ANXA11: variants seen among roughly 807,000 people sequenced by gnomAD.
ANXA11 encodes the protein 56 kDa autoantigen.
ANXA11 carries 57 observed loss-of-function variants against 64.7 expected under a neutral mutation model. The ratio of observed to expected loss-of-function variants is 0.88; its 90% CI spans 0.71 to 1.10. ANXA11 has a LOEUF of 1.10. Among genes scored for constraint, ANXA11 ranks in the 50% least tolerant of loss-of-function variants. The pLI is 0.00. For synonymous variants in ANXA11, 260 were observed against 265.2 expected (o/e 0.98, Z 0.19); for missense variants, 675 against 670.7 (o/e 1.01, Z -0.07).
rs371267701 is a variant in ANXA11 at position 80,157,105 on chromosome 10, T to G, written c.1458+536A>C. 24 of 976,214 alleles carry G rather than the reference T, an allele frequency of 2.5e-5. No homozygotes were observed. The African/African-American group carries it at 4.0e-4, about 16-fold the overall frequency. 60.5% of individuals were successfully genotyped at this position (976,214 alleles called of 1,614,324 possible). A position where few individuals can be genotyped will look rare whatever the true frequency, so the allele number is the denominator to read the frequency against. ...TCACAACATTCCCAGGAAGGAACGA[T>G]TATTTTCTCATCTTAAAGACAATGG... On this transcript the variant is annotated intron_variant, in intron 15 of 15. Transcript: ENST00000422982.
chr10:80,196,249 A>T (rs540505425), intron 1 of ANXA11, among the ~76,000 whole-genome samples: 89 of 152,224 alleles, frequency 5.8e-4, no homozygotes, highest in Non-Finnish European at 1.1e-3. Context: ...TGCAAAGGTC[A>T]CACACCCAAG....
At chr10:80,188,480 CAT>C (rs71034291) in intron 1 of ANXA11, among the ~76,000 whole-genome samples, 6,066 of 100,370 alleles carry the variant, frequency 0.06, 263 homozygotes, top group African/African-American at 0.096. Context: ...AGTATTCTCA[CAT>C]ATATATATAT....
chr10:80,198,213 G>A (rs1840259515), intron 1 of ANXA11, among the ~76,000 whole-genome samples: 1 of 152,254 alleles, frequency 6.6e-6, no homozygotes, highest in South Asian at 2.1e-4. Flanking sequence ...TTAGCCAACA[G>A]CAAGACTGAT....
chr10:80,189,044 G>A (rs950855390), intron 1 of ANXA11, among the ~76,000 whole-genome samples: 2 of 152,130 alleles, frequency 1.3e-5, no homozygotes, highest in East Asian at 1.9e-4. Flanking sequence ...AGACATCCCC[G>A]GTACCTGTGA....
chr10:80,164,871 C>T (rs1282451759), intron 8 of ANXA11, among the ~76,000 whole-genome samples: 4 of 152,364 alleles, frequency 2.6e-5, no homozygotes, highest in South Asian at 4.1e-4. Flanking sequence ...TCAGGCAGGA[C>T]GTGCGACATT....
In ANXA11 at chr10:80,157,763, C is replaced by G. The variant is rs1348493298; in HGVS notation, c.1336G>C (p.Gly446Arg). Residue 446 changes from glycine to arginine, a missense_variant and splice_region_variant, in exon 15 of 16, where the codon GGG becomes CGG. Physicochemically the swap from Gly to Arg is moderately radical, Grantham distance 125 (BLOSUM62 -2). Coordinates refer to ENST00000422982, the MANE Select transcript of ANXA11 (RefSeq NM_145868.2). The part of the protein sequence containing the change: ...FAERLNKAMR[G>R]AGTKDRTLIR... The stretch of plus-strand genomic sequence containing the variant: ...AGGGTCCGGTCCTTTGTTCCTGCCC[C>G]CTAAAGAGAGTCCACCCAAGAGCAT... 3.1e-6 allele frequency: 5 copies of G among 1,612,784 alleles called. No homozygotes were observed. The highest frequency in any genetic ancestry group is 3.3e-5 in the Admixed American group (2 of 59,912).
chr10:80,159,837 C>A (rs1005739687), intron 12 of ANXA11, among the ~76,000 whole-genome samples: 1 of 152,226 alleles, frequency 6.6e-6, no homozygotes, highest in African/African-American at 2.4e-5. Context: ...AGTGTCCCCT[C>A]TTCTCAAATC....
rs182960307 is a variant in ANXA11, at chr10:80,155,440, G to A, written c.*413C>T. The A allele has an allele frequency of 1.1e-4, 19 of 176,526 alleles. No homozygotes were observed. Among genetic ancestry groups the A allele is most frequent in the African/African-American group, 2.8e-4 (12 of 42,278 alleles). The allele number at this position is 176,526 out of a possible 1,614,324, so 10.9% of individuals were successfully genotyped here. Reference sequence around the variant, plus strand: ...GACACGGTGCTTCACCCACCCAGTCGCCCTCACCAGAAATGTGTATGCAGC... The same window carrying A: ...GACACGGTGCTTCACCCACCCAGTCACCCTCACCAGAAATGTGTATGCAGC... On this transcript the variant is annotated 3_prime_UTR_variant, in exon 16 of 16. Transcript: ENST00000422982.
intron 1 of ANXA11, among the ~76,000 whole-genome samples, chr10:80,197,645 G>A (rs905087592): frequency 3.2e-4 from 48 of 152,148 alleles, no homozygotes; most frequent in Non-Finnish European, 4.6e-4. Flanking sequence ...ACCCCTGGCC[G>A]GGCGCGGTGG....
At chr10:80,156,496 A>G (rs1340239509) in intron 15 of ANXA11, 3 of 469,000 alleles carry the variant, frequency 6.4e-6, no homozygotes, top group South Asian at 1.6e-5. Context: ...TGCAGGAGAT[A>G]CTCTGTAATG....
chr10:80,162,719 G>A (rs911601143), intron 11 of ANXA11, among the ~76,000 whole-genome samples: 73 of 152,334 alleles, frequency 4.8e-4, no homozygotes, highest in African/African-American at 1.7e-3. Context: ...GCAGCTCCTG[G>A]TGAATGCCCT....
In ANXA11 at chr10:80,172,836, G is replaced by T. The variant is rs761253330; in HGVS notation, c.26C>A (p.Pro9His). The change falls in exon 3 of 16, where the codon CCC becomes CAC. Residue 9 changes from proline to histidine, a missense_variant. Transcript: ENST00000422982. ...TGCAGCTGGTGGGTAGCCACCTGGG[G>T]GCGGGGGATAGCCAGGGTAGCTCAT... The part of the protein sequence containing the change: MSYPGYPP[P>H]PGGYPPAAPG... 3 of 1,613,944 alleles carry T rather than the reference G, an allele frequency of 1.9e-6. No homozygotes were observed. In the African/African-American group the frequency reaches 4.0e-5, roughly 22 times the overall value.
chr10:80,166,430 C>T, intron 7 of ANXA11: 1 of 522,614 alleles, frequency 1.9e-6, no homozygotes, highest in South Asian at 2.3e-5. Flanking sequence ...GTTTGAGAAG[C>T]ACTGGGCTAG....
chr10:80,175,540 C>T (rs1314533662), intron 2 of ANXA11, among the ~76,000 whole-genome samples: 1 of 151,214 alleles, frequency 6.6e-6, no homozygotes, highest in East Asian at 1.9e-4. Flanking sequence ...AAGAAGTAGC[C>T]CCAAAAACCA....
chr10:80,169,163 A>G lies in ANXA11; in HGVS notation c.367T>C (p.Tyr123His). The change falls in exon 5 of 16, where the codon TAC becomes CAC. Residue 123 changes from tyrosine to histidine, a missense_variant. By Grantham distance (83) the Tyr-to-His change is moderately conservative. Coordinates refer to ENST00000422982, the MANE Select transcript of ANXA11 (RefSeq NM_145868.2). ...PPSRMPSYPP[Y>H]PGAPVPGQPM... ...TGGCCCGGCACAGGGGCCCCTGGGT[A>G]TGGCGGATATGAGGGCATCCTGGAG... 1 of 1,581,452 alleles carries G rather than the reference A, an allele frequency of 6.3e-7. No homozygotes were observed. Among genetic ancestry groups the G allele is most frequent in the Admixed American group, 1.9e-5 (1 of 53,178 alleles).
At chr10:80,199,267 T>G (rs1840311968) in intron 1 of ANXA11, among the ~76,000 whole-genome samples, 1 of 151,990 alleles carries the variant, frequency 6.6e-6, no homozygotes. Context: ...CTGGATAATT[T>G]TTTATATTTT....
chr10:80,197,738 T>C (rs1017339980), intron 1 of ANXA11, among the ~76,000 whole-genome samples: 33 of 152,150 alleles, frequency 2.2e-4, no homozygotes, highest in African/African-American at 7.7e-4. Context: ...CTGGCTAACA[T>C]GGTGAAACCC....
intron 3 of ANXA11, chr10:80,171,689 A>G: frequency 1.0e-6 from 1 of 985,494 alleles, no homozygotes; most frequent in South Asian, 4.7e-5. Context: ...GCTTTCCTCT[A>G]CATGGCAGCT....
At chr10:80,189,602 G>A (rs1216567073) in intron 1 of ANXA11, among the ~76,000 whole-genome samples, 1 of 152,220 alleles carries the variant, frequency 6.6e-6, no homozygotes, top group East Asian at 1.9e-4. Context: ...CTTCAGACCA[G>A]ATGACTTCAG....
Sources: allele counts gnomAD v4.1 joint callset (sites outside exome capture counted in the v4.1 genomes callset), GRCh38; gene constraint gnomAD v4.1.1; transcripts MANE v1.5; gene names NCBI Gene and HGNC (gene_info 2026-07-23, HGNC 2026-07-21).